GPRC5D: variants seen among roughly 807,000 people sequenced by gnomAD.
GPRC5D encodes the protein G protein-coupled receptor family C group 5 member D.
GPRC5D carries 20 observed loss-of-function variants against 29.3 expected under a neutral mutation model. That is an observed-to-expected ratio of 0.68 (90% CI 0.48 to 0.99). GPRC5D has a LOEUF of 0.99. Among genes scored for constraint, GPRC5D ranks in the 50% least tolerant of loss-of-function variants. The pLI, the probability that GPRC5D is intolerant of heterozygous loss-of-function variation, is 0.00. For synonymous variants in GPRC5D, 178 were observed against 171.3 expected (o/e 1.04, Z -0.30); for missense variants, 384 against 423.6 (o/e 0.91, Z 0.82).
intron 1 of GPRC5D, among the ~76,000 whole-genome samples, chr12:12,946,315 TTC>T (rs1333134012): frequency 4.2e-5 from 6 of 141,926 alleles, no homozygotes; most frequent in East Asian, 2.0e-4. Context: ...TTCCTTTTCT[TTC>T]TTTCTTTCTT....
At chr12:12,942,323 C>T (rs201184166) in exon 2 of GPRC5D, 4 of 1,611,640 alleles carry the variant, frequency 2.5e-6, no homozygotes, top group African/African-American at 1.3e-5. Context: ...CCATCACTGT[C>T]TCGGGCTGAA....
chr12:12,944,804 T>TC (rs1863240171), intron 1 of GPRC5D, among the ~76,000 whole-genome samples: 1 of 7,556 alleles, frequency 1.3e-4, no homozygotes, highest in African/African-American at 2.2e-4. Flanking sequence ...TTCCTTCCCT[T>TC]CCTTCCTTCC....
At chr12:12,944,511 A>C (rs1340023077) in intron 1 of GPRC5D, 1 of 152,160 alleles carries the variant, frequency 6.6e-6, no homozygotes, top group African/African-American at 2.4e-5. Context: ...AAAAATGTTC[A>C]AAAAGGGCTA....
chr12:12,945,774 G>A (rs528135907), intron 1 of GPRC5D, among the ~76,000 whole-genome samples: 51 of 152,226 alleles, frequency 3.4e-4, no homozygotes, highest in Admixed American at 1.2e-3. Flanking sequence ...GAAGTTTCCT[G>A]TACCTAACAA....
upstream of GPRC5D, among the ~76,000 whole-genome samples, chr12:12,950,745 T>C (rs1863475758): frequency 6.6e-6 from 1 of 151,846 alleles, no homozygotes; most frequent in Non-Finnish European, 1.5e-5. Context: ...AGACAGAGTT[T>C]ACATTGAGCC....
intron 1 of GPRC5D, among the ~76,000 whole-genome samples, chr12:12,947,596 G>A (rs974440714): frequency 2.1e-4 from 27 of 131,218 alleles, no homozygotes; most frequent in African/African-American, 7.2e-4. Context: ...ACAGGGTCTC[G>A]TTCTGTCACC....
chr12:12,949,362 A>G (rs181460133), intron 1 of GPRC5D, 128 bp downstream of exon 2: 59 of 757,610 alleles, frequency 7.8e-5, no homozygotes, highest in Non-Finnish European at 1.2e-4. Context: ...TGCTTGAACT[A>G]TGAAGCCACC....
chr12:12,950,522 GA>G, upstream of GPRC5D: 1 of 653,740 alleles, frequency 1.5e-6, no homozygotes, highest in South Asian at 1.9e-5. Flanking sequence ...GTAATGGCAA[GA>G]AGGCTGGGTG....
At chr12:12,946,326 TTTC>T (rs1863331830) in intron 1 of GPRC5D, among the ~76,000 whole-genome samples, 3 of 147,720 alleles carry the variant, frequency 2.0e-5, no homozygotes, top group African/African-American at 7.6e-5. Flanking sequence ...TCTTTCTTTC[TTTC>T]TTTCTTTCTT....
intron 1 of GPRC5D, among the ~76,000 whole-genome samples, chr12:12,943,915 T>C (rs916024006): frequency 6.6e-6 from 1 of 152,104 alleles, no homozygotes; most frequent in Admixed American, 6.6e-5. Context: ...GAAGTCCGAG[T>C]TGAGTAAGAC....
chr12:12,950,837 G>C, upstream of GPRC5D, among the ~76,000 whole-genome samples: 1 of 149,376 alleles, frequency 6.7e-6, no homozygotes, highest in South Asian at 2.1e-4. Flanking sequence ...GGGTACAGTG[G>C]CTCATGCTTG....
intron 2 of GPRC5D, among the ~76,000 whole-genome samples, chr12:12,941,976 C>T (rs544186259): frequency 3.3e-5 from 5 of 152,352 alleles, no homozygotes; most frequent in Admixed American, 3.3e-4. Flanking sequence ...TTCACCTTCA[C>T]ACAGAAGCTT....
Position 12,944,917 on chromosome 12 carries a change from T to TTCTCTCTC in GPRC5D, c.896-2590_896-2589insGAGAGAGA, listed in dbSNP as rs1158748545. ...TCTTTCTTTCTTTCTCTCCCTTTCT[T>TTCTCTCTC]TCCCTTTCTTCCTTTTCTTCCCTTT... On this transcript the variant is annotated intron_variant, in intron 1 of 2. Coordinates refer to ENST00000228887, the Ensembl canonical transcript of GPRC5D. Among the ~76,000 whole-genome samples, 86 of 119,226 alleles carry TTCTCTCTC rather than the reference T, an allele frequency of 7.2e-4. 6 individuals are homozygous for TTCTCTCTC. Among genetic ancestry groups the TTCTCTCTC allele is most frequent in the South Asian group, 1.9e-3 (6 of 3,160 alleles). The allele number at this position is 119,226 out of a possible 152,430, so 78.2% of individuals were successfully genotyped here. A position where few individuals can be genotyped will look rare whatever the true frequency, so the allele number is the denominator to read the frequency against.
intron 1 of GPRC5D, among the ~76,000 whole-genome samples, chr12:12,943,286 G>C (rs1177659287): frequency 6.6e-6 from 1 of 152,102 alleles, no homozygotes; most frequent in Non-Finnish European, 1.5e-5. Context: ...GTTGTTTTTT[G>C]ATGATCACAG....
chr12:12,949,606 G>A, exon 1 of GPRC5D: 2 of 1,614,190 alleles, frequency 1.2e-6, no homozygotes, highest in Non-Finnish European at 1.7e-6. Flanking sequence ...GCAGAGCTCA[G>A]GGACGATGTA....
At chr12:12,946,440 C>CTCTCTTTCTCTTTCTCTCTT in intron 1 of GPRC5D, among the ~76,000 whole-genome samples, 1 of 10,348 alleles carries the variant, frequency 9.7e-5, no homozygotes, top group African/African-American at 1.1e-4. Flanking sequence ...CTCTCTTTCT[C>CTCTCTTTCTCTTTCTCTCTT]TCTCTCTCTC....
chr12:12,944,793 C>T (rs1324192634), intron 1 of GPRC5D, among the ~76,000 whole-genome samples: 2 of 30,344 alleles, frequency 6.6e-5, no homozygotes, highest in Non-Finnish European at 2.7e-4. Context: ...TCCTTCCTTC[C>T]TTCCTTCCCT....
upstream of GPRC5D, among the ~76,000 whole-genome samples, chr12:12,951,187 T>G (rs1037506271): frequency 2.6e-5 from 4 of 152,150 alleles, no homozygotes; most frequent in African/African-American, 9.7e-5. Context: ...CGCACCAACC[T>G]AATACCTACA....
chr12:12,951,101 C>T (rs530454900), upstream of GPRC5D, among the ~76,000 whole-genome samples: 239 of 152,238 alleles, frequency 1.6e-3, 3 homozygotes, highest in African/African-American at 5.7e-3. Context: ...CAGAGTGAGA[C>T]GCTGTCTGAA....
Sources: gnomAD v4.1 joint callset for allele counts (sites outside exome capture counted in the v4.1 genomes callset) on GRCh38, gnomAD v4.1.1 for gene constraint, MANE v1.5 for transcripts, NCBI Gene and HGNC (gene_info 2026-07-23, HGNC 2026-07-21) for gene names.